The following DNAH7 variants were observed in gnomAD, a reference collection of about 807,000 sequenced individuals.
The protein encoded by DNAH7 is dynein axonemal heavy chain 7.
A neutral mutation model predicts 444.6 loss-of-function variants in DNAH7; 397 were observed. That is an observed-to-expected ratio of 0.89 (90% CI 0.82 to 0.97). The LOEUF (loss-of-function observed/expected upper bound fraction) is 0.97, where lower values mean the gene tolerates loss of function less well. DNAH7 is among the 50% of genes least tolerant of loss of function. DNAH7 has a pLI of 0.00. For missense variants in DNAH7, 4,902 were observed against 4,800.8 expected, an observed-to-expected ratio of 1.02 and a Z score of -0.62; for synonymous variants, 1,636 against 1,624.4, an observed-to-expected ratio of 1.01 and a Z score of -0.17.
chr2:195,863,769 T>C (rs866056506), intron 41 of DNAH7, among the ~76,000 whole-genome samples: 106 of 152,174 alleles, frequency 7.0e-4, no homozygotes, highest in African/African-American at 2.5e-3. Context: ...CTGCTATTGC[T>C]CCACCTACCA....
chr2:195,976,747 CAG>C (rs60653466), intron 15 of DNAH7, among the ~76,000 whole-genome samples: 5,388 of 90,540 alleles, frequency 0.06, 201 homozygotes, highest in South Asian at 0.096. Flanking sequence ...GAGAGGCAGA[CAG>C]AGAGAGAGAG....
At chr2:195,752,759 A>G (rs1574373146) in intron 63 of DNAH7, among the ~76,000 whole-genome samples, 1 of 152,322 alleles carries the variant, frequency 6.6e-6, no homozygotes, top group African/African-American at 2.4e-5. Flanking sequence ...GAAGATGGCA[A>G]CTGGTAAAAA....
intron 15 of DNAH7, among the ~76,000 whole-genome samples, chr2:195,977,924 GAAGAA>G (rs1692310036): frequency 6.6e-6 from 1 of 152,158 alleles, no homozygotes; most frequent in Admixed American, 6.5e-5. Flanking sequence ...AAAGGGGAAA[GAAGAA>G]CTTTCCCAGA....
chr2:195,958,508 C>A (rs566990552), intron 18 of DNAH7, among the ~76,000 whole-genome samples: 1 of 152,002 alleles, frequency 6.6e-6, no homozygotes, highest in Non-Finnish European at 1.5e-5. Context: ...GGGGGGTCAG[C>A]GCCCCTAAAA....
At chr2:195,846,211 A>G (rs1028963751) in intron 46 of DNAH7, among the ~76,000 whole-genome samples, 1 of 152,242 alleles carries the variant, frequency 6.6e-6, no homozygotes, top group African/African-American at 2.4e-5. Flanking sequence ...ACATGAACAG[A>G]TACTTCTCAA....
At chr2:195,860,252 G>C (rs1699941313) in intron 42 of DNAH7, among the ~76,000 whole-genome samples, 1 of 151,546 alleles carries the variant, frequency 6.6e-6, no homozygotes, top group South Asian at 2.1e-4. Flanking sequence ...TTTTTTGTTA[G>C]GGTGGCCTTA....
intron 46 of DNAH7, among the ~76,000 whole-genome samples, chr2:195,853,065 A>G (rs1699482529): frequency 6.6e-6 from 1 of 152,126 alleles, no homozygotes. Flanking sequence ...GCAGCCCCAA[A>G]CTAGAATAGG....
intron 3 of DNAH7, among the ~76,000 whole-genome samples, 196 bp downstream of exon 3, chr2:196,050,991 T>C (rs951389202): frequency 1.3e-5 from 2 of 152,258 alleles, no homozygotes; most frequent in African/African-American, 4.8e-5. Context: ...TGAAATATTC[T>C]ACATATACAG....
At chr2:195,949,792 T>C (rs1299624920) in intron 19 of DNAH7, among the ~76,000 whole-genome samples, 3 of 152,222 alleles carry the variant, frequency 2.0e-5, no homozygotes, top group Non-Finnish European at 2.9e-5. Context: ...ACCTAGTTTA[T>C]TGAGAGTTTT....
At chr2:196,049,115 T>G (rs1287633705) in intron 3 of DNAH7, among the ~76,000 whole-genome samples, 2 of 152,194 alleles carry the variant, frequency 1.3e-5, no homozygotes, top group Non-Finnish European at 2.9e-5. Context: ...TCTATATATT[T>G]TTAGCACAAT....
chr2:195,931,909 C>CT (rs1462074616), intron 21 of DNAH7, among the ~76,000 whole-genome samples: 4 of 152,076 alleles, frequency 2.6e-5, no homozygotes, highest in Admixed American at 6.5e-5. Context: ...AATGTGGGCT[C>CT]TTTTTTGGTT....
At chr2:196,012,994 T>C (rs1171261334) in intron 9 of DNAH7, 88 bp from the exon 10 acceptor site, 4 of 929,614 alleles carry the variant, frequency 4.3e-6, no homozygotes, top group East Asian at 3.1e-5. Flanking sequence ...AAAAATATCA[T>C]ATTCCTAGGT....
chr2:195,820,164 A>G (rs1697391227), intron 49 of DNAH7, among the ~76,000 whole-genome samples: 1 of 152,164 alleles, frequency 6.6e-6, no homozygotes, highest in South Asian at 2.1e-4. Context: ...GCAGTCGGCA[A>G]TATTAGAAAT....
chr2:195,875,897 C>A, intron 37 of DNAH7, 54 bp from the exon 38 acceptor site: 1 of 1,503,300 alleles, frequency 6.7e-7, no homozygotes, highest in Non-Finnish European at 8.9e-7. Flanking sequence ...AACATACAGT[C>A]CTATTGTGTA....
intron 58 of DNAH7, 37 bp downstream of exon 58, chr2:195,786,973 A>G: frequency 6.6e-7 from 1 of 1,524,576 alleles, no homozygotes; most frequent in Admixed American, 2.2e-5. Context: ...GATAAAGAGC[A>G]ACATAGGTAA....
At chr2:195,976,747 C>CAG (rs60653466) in intron 15 of DNAH7, among the ~76,000 whole-genome samples, 3,886 of 90,514 alleles carry the variant, frequency 0.043, 189 homozygotes, top group African/African-American at 0.071. Flanking sequence ...GAGAGGCAGA[C>CAG]AGAGAGAGAG....
At chr2:195,773,696 TTAAAGA>T (rs1342581768) in intron 60 of DNAH7, among the ~76,000 whole-genome samples, 1 of 152,192 alleles carries the variant, frequency 6.6e-6, no homozygotes, top group Non-Finnish European at 1.5e-5. Context: ...TATTTTCCTC[TTAAAGA>T]TAAGTGGAAT....
intron 15 of DNAH7, among the ~76,000 whole-genome samples, chr2:195,980,227 T>G (rs1224040525): frequency 6.6e-6 from 1 of 152,158 alleles, no homozygotes; most frequent in African/African-American, 2.4e-5. Context: ...CAGGCTGTTC[T>G]GGTGATACTG....
At chr2:195,743,301 G>A (rs563084755) in intron 63 of DNAH7, among the ~76,000 whole-genome samples, 2 of 152,288 alleles carry the variant, frequency 1.3e-5, no homozygotes, top group East Asian at 1.9e-4. Context: ...ACGGCTTATC[G>A]TGGGACTTTA....
Sources: allele counts gnomAD v4.1 joint callset (sites outside exome capture counted in the v4.1 genomes callset), GRCh38; gene constraint gnomAD v4.1.1; transcripts MANE v1.5; gene names NCBI Gene and HGNC (gene_info 2026-07-23, HGNC 2026-07-21).